The following TBL1X variants were observed in gnomAD, a reference collection of about 807,000 sequenced individuals.
The protein encoded by TBL1X is transducin beta like 1 X-linked, also known as F-box-like/WD repeat-containing protein TBL1X.
In TBL1X, 10 loss-of-function variants were observed where a neutral mutation model predicts 50.7. The ratio of observed to expected loss-of-function variants is 0.20; its 90% confidence interval spans 0.12 to 0.33. The LOEUF is 0.33. Among genes scored for constraint, TBL1X ranks in the 10% least tolerant of loss-of-function variants. The pLI, the probability that TBL1X is intolerant of heterozygous loss-of-function variation, is 1.00. For missense variants in TBL1X, 340 were observed against 504.4 expected (o/e 0.67, Z 3.12); for synonymous variants, 190 against 214.7 (o/e 0.88, Z 1.01).
intron 2 of TBL1X, among the ~76,000 whole-genome samples, chrX:9,599,029 C>T (rs1313857411): frequency 2.7e-5 from 3 of 109,717 alleles, no homozygotes; most frequent in Non-Finnish European, 3.8e-5. Flanking sequence ...CTGCAACCCC[C>T]GCCTCCTGGG....
chrX:9,634,731 C>CT (rs2082737519), intron 2 of TBL1X, among the ~76,000 whole-genome samples: 1 of 111,320 alleles, frequency 9.0e-6, no homozygotes, highest in South Asian at 3.8e-4. Context: ...ATGACACATA[C>CT]TAAACATCTA....
chrX:9,549,220 T>C (rs1240770776), intron 2 of TBL1X, among the ~76,000 whole-genome samples: 2 of 112,214 alleles, frequency 1.8e-5, no homozygotes, highest in African/African-American at 6.5e-5. Context: ...GTCAGCTAGG[T>C]CTGTGGCCAG....
chrX:9,544,292 G>A lies in TBL1X; in HGVS notation c.-131+42443G>A, dbSNP rs752886774. ...TGGGGCCCCATGGTGTCTGGAAAGCGGGCTCCACTGGAGATTCTGGCTGTT... is the reference window on the plus strand; with the variant it reads ...TGGGGCCCCATGGTGTCTGGAAAGCAGGCTCCACTGGAGATTCTGGCTGTT... On this transcript the variant is annotated intron_variant, in intron 2 of 17. Transcript: ENST00000645353. Among the ~76,000 whole-genome samples the A allele has an allele frequency of 2.6e-4, 29 of 111,590 alleles. No homozygotes were observed. The South Asian group carries it at 2.6e-3, about 10-fold the overall frequency.
intron 1 of TBL1X, among the ~76,000 whole-genome samples, chrX:9,497,179 C>T (rs190327910): frequency 1.7e-3 from 184 of 110,705 alleles, no homozygotes; most frequent in Middle Eastern, 4.6e-3. Context: ...AAAGCCGAGG[C>T]GAGGGGTTAA....
Position 9,533,988 on chromosome X carries a change from G to A in TBL1X, c.-131+32139G>A, listed in dbSNP as rs537222596. On this transcript the variant is annotated intron_variant, in intron 2 of 17. Coordinates refer to ENST00000645353, the MANE Select transcript of TBL1X (RefSeq NM_005647.4). The stretch of plus-strand genomic sequence containing the variant: ...GCTTGCCGTGCCCAGTGCTTGGGCA[G>A]TGCTGAGCTCCGAGGGAGGAACCCA... Among the ~76,000 whole-genome samples, 63 of 111,804 alleles carry A rather than the reference G, an allele frequency of 5.6e-4. No individual in the cohort carries two copies. The South Asian group carries it at 0.023, about 42-fold the overall frequency.
chrX:9,622,002 A>G (rs1248799332), intron 2 of TBL1X, among the ~76,000 whole-genome samples: 9 of 112,087 alleles, frequency 8.0e-5, no homozygotes. Context: ...AAGAGTTTGA[A>G]TCTGGCTTAA....
intron 1 of TBL1X, among the ~76,000 whole-genome samples, chrX:9,479,361 G>A (rs2081867046): frequency 8.9e-6 from 1 of 112,217 alleles, no homozygotes; most frequent in African/African-American, 3.2e-5. Context: ...CAAGAGAATC[G>A]CTTGAACCTG....
intron 2 of TBL1X, among the ~76,000 whole-genome samples, chrX:9,581,790 C>T (rs909643447): frequency 1.2e-4 from 13 of 112,070 alleles, no homozygotes; most frequent in Non-Finnish European, 1.9e-4. Context: ...TCTGAAACGC[C>T]GTTGGAAACA....
At chrX:9,570,049 G>A (rs779680313) in intron 2 of TBL1X, among the ~76,000 whole-genome samples, 12 of 111,856 alleles carry the variant, frequency 1.1e-4, no homozygotes, top group Non-Finnish European at 1.9e-4. Flanking sequence ...TTTCACAGGC[G>A]CCTTCCAAAC....
intron 3 of TBL1X, among the ~76,000 whole-genome samples, chrX:9,653,094 G>A (rs2082845605): frequency 8.9e-6 from 1 of 112,507 alleles, no homozygotes; most frequent in Non-Finnish European, 1.9e-5. Context: ...GAACCCAGGA[G>A]GCGGAGGATG....
At chrX:9,705,263 G>T in intron 13 of TBL1X, 149 bp downstream of exon 13, 6 of 999,349 alleles carry the variant, frequency 6.0e-6, no homozygotes, top group Non-Finnish European at 6.8e-6. Flanking sequence ...TTACCCCATG[G>T]TAACCATGGT....
chrX:9,650,354 T>C (rs1201977245), intron 3 of TBL1X, among the ~76,000 whole-genome samples: 41 of 111,289 alleles, frequency 3.7e-4, no homozygotes, highest in Admixed American at 1.3e-3. Context: ...CTTTTTTTTT[T>C]CCCCCAGAGT....
chrX:9,691,067 A>G (rs758770979), intron 7 of TBL1X, among the ~76,000 whole-genome samples: 5 of 111,919 alleles, frequency 4.5e-5, no homozygotes, highest in East Asian at 2.8e-4. Context: ...TCCTCAATGA[A>G]ATTTAGAGAC....
chrX:9,507,434 AT>A (rs1453520408), intron 2 of TBL1X, among the ~76,000 whole-genome samples: 1 of 111,972 alleles, frequency 8.9e-6, no homozygotes, highest in Non-Finnish European at 1.9e-5. Flanking sequence ...GCTCAAGGAA[AT>A]AAGAGAGGAC....
At chrX:9,635,743 T>A (rs1342715628) in intron 2 of TBL1X, among the ~76,000 whole-genome samples, 4 of 112,052 alleles carry the variant, frequency 3.6e-5, no homozygotes, top group African/African-American at 6.5e-5. Context: ...AGGTCCTGGC[T>A]CTCTCCAGCT....
intron 3 of TBL1X, among the ~76,000 whole-genome samples, chrX:9,649,586 A>G (rs1242424958): frequency 1.8e-5 from 2 of 112,101 alleles, no homozygotes; most frequent in Non-Finnish European, 3.8e-5. Context: ...AGAAAGATGT[A>G]TAATGCAAAT....
Position 9,719,191 on chromosome X carries a change from G to T in TBL1X, c.*2945G>T, listed in dbSNP as rs887287412. ...TCGGGTTCACAGTGACCGAGAGTCA[G>T]GTCCAGCACACACCTGGGAAAGGGA... On this transcript the variant is annotated 3_prime_UTR_variant, in exon 18 of 18. Coordinates refer to ENST00000645353, the MANE Select transcript of TBL1X (RefSeq NM_005647.4). 8.9e-6 allele frequency: 1 copy of T among 112,162 alleles called. No individual in the cohort carries two copies. The highest frequency in any genetic ancestry group is 1.9e-5 in the Non-Finnish European group (1 of 53,200). 9.2% of individuals were successfully genotyped at this position (112,162 alleles called of 1,213,427 possible). A position where few individuals can be genotyped will look rare whatever the true frequency, so the allele number is the denominator to read the frequency against.
At chrX:9,691,778 C>A in intron 8 of TBL1X, 67 bp downstream of exon 8, 1 of 1,165,393 alleles carries the variant, frequency 8.6e-7, no homozygotes, top group Non-Finnish European at 1.2e-6. Context: ...GCTCGCCCTT[C>A]TCTGGAGTTC....
At chrX:9,532,792 C>T (rs899275828) in intron 2 of TBL1X, among the ~76,000 whole-genome samples, 3 of 111,415 alleles carry the variant, frequency 2.7e-5, no homozygotes, top group Non-Finnish European at 3.8e-5. Flanking sequence ...GATTAGGGCC[C>T]GTCCTAATGA....
Sources: gnomAD v4.1 joint callset for allele counts (sites outside exome capture counted in the v4.1 genomes callset) on GRCh38, gnomAD v4.1.1 for gene constraint, MANE v1.5 for transcripts, NCBI Gene and HGNC (gene_info 2026-07-23, HGNC 2026-07-21) for gene names.